The following YOD1 variants were observed in gnomAD, a reference collection of about 807,000 sequenced individuals.
YOD1 encodes the protein YOD1 deubiquitinase.
A neutral mutation model predicts 23.7 loss-of-function variants in YOD1; 17 were observed. The ratio of observed to expected loss-of-function variants is 0.72; its 90% CI spans 0.49 to 1.07. YOD1 has a LOEUF of 1.07. YOD1 is among the 50% of genes least tolerant of loss of function. YOD1 has a pLI of 0.00. For synonymous variants in YOD1, 191 were observed against 169.6 expected, an observed-to-expected ratio of 1.13 and a Z score of -0.98; for missense variants, 413 against 447.2, an observed-to-expected ratio of 0.92 and a Z score of 0.69.
chr1:207,048,789 C>T lies in YOD1; in HGVS notation c.*231G>A. On this transcript the variant is annotated 3_prime_UTR_variant, in exon 2 of 2. Transcript: ENST00000315927. ...GTGGCAAGGATCACCTATTCTGTCA[C>T]TCCAGCAGAAAGAGGCATGTATGTA... is the stretch of plus-strand genomic sequence containing the variant. 1 of 491,368 alleles carries T rather than the reference C, an allele frequency of 2.0e-6. No individual in the cohort carries two copies. Among genetic ancestry groups the T allele is most frequent in the South Asian group, 2.6e-5 (1 of 37,748 alleles). 30.4% of individuals were successfully genotyped at this position (491,368 alleles called of 1,614,324 possible). A position where few individuals can be genotyped will look rare whatever the true frequency, so the allele number is the denominator to read the frequency against.
chr1:207,044,564 G>C lies in YOD1; in HGVS notation c.*4456C>G, dbSNP rs1185775784. 1 of 152,286 alleles carries C rather than the reference G, an allele frequency of 6.6e-6. No individual in the cohort carries two copies. The highest frequency in any genetic ancestry group is 2.4e-5 in the African/African-American group (1 of 41,374). 9.4% of individuals were successfully genotyped at this position (152,286 alleles called of 1,614,324 possible). On this transcript the variant is annotated 3_prime_UTR_variant, in exon 2 of 2. Coordinates refer to ENST00000315927, the MANE Select transcript of YOD1 (RefSeq NM_018566.4). ...CACCATTCCTAAACTCCTATATGTT[G>C]GTTAGTACTTTTAAAAACATATGTA...
At position 207,044,246 on chromosome 1, in the gene YOD1, AC is replaced by A. The variant is rs1039370016; in HGVS notation, c.*4773del. ...ACTATAGGAATATTGTTGTTCTCTA[AC>A]CCTTTTCACAAACTATTCATATTCA... On this transcript the variant is annotated 3_prime_UTR_variant, in exon 2 of 2. Coordinates refer to ENST00000315927, the MANE Select transcript of YOD1 (RefSeq NM_018566.4). 34 of 152,586 alleles carry A rather than the reference AC, an allele frequency of 2.2e-4. No individual in the cohort carries two copies. Among genetic ancestry groups the A allele is most frequent in the Middle Eastern group, 3.4e-3 (1 of 294 alleles). 9.5% of individuals were successfully genotyped at this position (152,586 alleles called of 1,614,324 possible). A position where few individuals can be genotyped will look rare whatever the true frequency, so the allele number is the denominator to read the frequency against.
chr1:207,050,715 T>A lies in YOD1; in HGVS notation c.316A>T (p.Ile106Phe). The A allele has an allele frequency of 6.2e-7, 1 of 1,613,196 alleles. No individual in the cohort carries two copies. ...GATTGGATGGGCAAGTCTTCCAGAATGGTATCCCCATTGCTGAGATCCAGG... is the reference window on the plus strand; with the variant it reads ...GATTGGATGGGCAAGTCTTCCAGAAAGGTATCCCCATTGCTGAGATCCAGG... ...ECLDLSNGDT[I>F]LEDLPIQSGD... The change falls in exon 1 of 2, where the codon ATT (isoleucine) becomes TTT (phenylalanine). Residue 106 changes from isoleucine to phenylalanine, a missense_variant. Coordinates refer to ENST00000315927, the MANE Select transcript of YOD1 (RefSeq NM_018566.4).
chr1:207,050,410 A>C lies in YOD1; in HGVS notation c.343+278T>G, dbSNP rs530057215. Among the ~76,000 whole-genome samples the C allele has an allele frequency of 2.0e-4, 31 of 152,302 alleles. No homozygotes were observed. The South Asian group carries it at 5.4e-3, about 26-fold the overall frequency. ...TATATTTTTGTGGACGCCGAGGGAA[A>C]ACAAAATGGGATAGTTTCAAAGCCG... On this transcript the variant is annotated intron_variant, in intron 1 of 1. Coordinates refer to ENST00000315927, the MANE Select transcript of YOD1 (RefSeq NM_018566.4).
In YOD1 at chr1:207,044,369, A is replaced by G. The variant is rs1352135368; in HGVS notation, c.*4651T>C. 1 of 152,580 alleles carries G rather than the reference A, an allele frequency of 6.6e-6. No homozygotes were observed. The highest frequency in any genetic ancestry group is 6.5e-5 in the Admixed American group (1 of 15,282). The allele number at this position is 152,580 out of a possible 1,614,324, so 9.5% of individuals were successfully genotyped here. ...AACAGCTGGAGTCCTGAATGGCACC[A>G]ATGTGACTGGAAAACTGACAAAAAT... On this transcript the variant is annotated 3_prime_UTR_variant, in exon 2 of 2. Coordinates refer to ENST00000315927, the MANE Select transcript of YOD1 (RefSeq NM_018566.4).
rs192200430 is a variant in YOD1, at chr1:207,046,735, A to G, written c.*2285T>C. 20 of 152,136 alleles carry G rather than the reference A, an allele frequency of 1.3e-4. 1 individual carries two copies. The highest frequency in any genetic ancestry group is 2.2e-4 in the Non-Finnish European group (15 of 67,934). The allele number at this position is 152,136 out of a possible 1,614,324, so 9.4% of individuals were successfully genotyped here. On this transcript the variant is annotated 3_prime_UTR_variant, in exon 2 of 2. Coordinates refer to ENST00000315927, the MANE Select transcript of YOD1 (RefSeq NM_018566.4). Reference sequence around the variant, plus strand: ...ATGAAGGGGTTTAATTCTGTAAAATATCAGTGTTCTATTCCTTTCCATTTG... The same window carrying G: ...ATGAAGGGGTTTAATTCTGTAAAATGTCAGTGTTCTATTCCTTTCCATTTG...
chr1:207,051,126 T>C lies in YOD1; in HGVS notation c.-96A>G, dbSNP rs1465824591. The C allele has an allele frequency of 2.1e-6, 3 of 1,422,384 alleles. No individual in the cohort carries two copies. Among genetic ancestry groups the C allele is most frequent in the Non-Finnish European group, 2.7e-6 (3 of 1,093,554 alleles). 88.1% of individuals were successfully genotyped at this position (1,422,384 alleles called of 1,614,324 possible). On this transcript the variant is annotated 5_prime_UTR_variant, in exon 1 of 2. Transcript: ENST00000315927. ...GCGCGAACTCTTTTAAAGTGACAAC[T>C]GATTTTTCCCCCACCCTCAGAACGA...
chr1:207,052,283 C>A (rs745552425), upstream of YOD1: 1 of 1,537,772 alleles, frequency 6.5e-7, no homozygotes, highest in Admixed American at 1.7e-5. Flanking sequence ...GTGCAATTTT[C>A]CTCCTTGGTT....
chr1:207,051,072 G>A lies in YOD1; in HGVS notation c.-42C>T. The A allele has an allele frequency of 3.4e-6, 5 of 1,464,888 alleles. No homozygotes were observed. Among genetic ancestry groups the A allele is most frequent in the Non-Finnish European group, 4.5e-6 (5 of 1,111,770 alleles). The allele number at this position is 1,464,888 out of a possible 1,614,324, so 90.7% of individuals were successfully genotyped here. On this transcript the variant is annotated 5_prime_UTR_variant, in exon 1 of 2. Transcript: ENST00000315927. ...TGGTTGCAGTTATCGCGACGCTTCG[G>A]TGCGGCTTCTGCCTTAGTACCTTAG...
rs765840248 is a variant in YOD1, at chr1:207,050,779, G to A, written c.252C>T (p.Pro84=). ...GQIAAITGIA[P]GGQRILVGYP... ...ATCCGACGAGGATTCGCTGACCGCC[G>A]GGGGCGATCCCGGTGATGGCGGCAA... The change falls in exon 1 of 2, where the codon CCC becomes CCT. Residue 84 remains proline, a synonymous_variant. Coordinates refer to ENST00000315927, the MANE Select transcript of YOD1 (RefSeq NM_018566.4). The A allele has an allele frequency of 6.2e-6, 10 of 1,613,346 alleles. No homozygotes were observed. The Middle Eastern group carries it at 4.9e-4, about 80-fold the overall frequency.
At position 207,047,798 on chromosome 1, in the gene YOD1, G is replaced by A. The variant is rs546986083; in HGVS notation, c.*1222C>T. ...ATTTACAATTTTTTCTATTTTGGAA[G>A]TGAAACTAGTTCATTCAACAGTATT... On this transcript the variant is annotated 3_prime_UTR_variant, in exon 2 of 2. Transcript: ENST00000315927. 3.3e-5 allele frequency: 5 copies of A among 152,556 alleles called. 1 individual carries two copies. The highest frequency in any genetic ancestry group is 6.5e-5 in the Admixed American group (1 of 15,300). The allele number at this position is 152,556 out of a possible 1,614,324, so 9.5% of individuals were successfully genotyped here. A position where few individuals can be genotyped will look rare whatever the true frequency, so the allele number is the denominator to read the frequency against.
At chr1:207,052,071 T>C, upstream of YOD1, 1 of 837,448 alleles carries the variant, frequency 1.2e-6, no homozygotes, top group South Asian at 1.5e-5. Flanking sequence ...CATTGTTCTT[T>C]ATCCAGCCGG....
Position 207,048,264 on chromosome 1 carries a change from C to G in YOD1, c.*756G>C, listed in dbSNP as rs1185874999. ...TCAGGCACCTATTCCCTCATACATT[C>G]TACGTTTTATATGCTAGAGATCTTA... is the stretch of plus-strand genomic sequence containing the variant. On this transcript the variant is annotated 3_prime_UTR_variant, in exon 2 of 2. Coordinates refer to ENST00000315927, the MANE Select transcript of YOD1 (RefSeq NM_018566.4). The G allele has an allele frequency of 6.6e-6, 1 of 152,634 alleles. No homozygotes were observed. The highest frequency in any genetic ancestry group is 1.5e-5 in the Non-Finnish European group (1 of 68,058). 9.5% of individuals were successfully genotyped at this position (152,634 alleles called of 1,614,324 possible). A position where few individuals can be genotyped will look rare whatever the true frequency, so the allele number is the denominator to read the frequency against.
Position 207,051,092 on chromosome 1 carries a change from C to G in YOD1, c.-62G>C, listed in dbSNP as rs1457798779. On this transcript the variant is annotated 5_prime_UTR_variant, in exon 1 of 2. Coordinates refer to ENST00000315927, the MANE Select transcript of YOD1 (RefSeq NM_018566.4). ...CTTCGGTGCGGCTTCTGCCTTAGTA[C>G]CTTAGCAAGCGCGAACTCTTTTAAA... The G allele has an allele frequency of 6.3e-6, 9 of 1,439,354 alleles. No homozygotes were observed. The Admixed American group carries it at 1.4e-4, about 23-fold the overall frequency. 89.2% of individuals were successfully genotyped at this position (1,439,354 alleles called of 1,614,324 possible). A position where few individuals can be genotyped will look rare whatever the true frequency, so the allele number is the denominator to read the frequency against.
rs1463541983 is a variant in YOD1 at position 207,048,319 on chromosome 1, A to G, written c.*701T>C. ...GGGCACAATCAGTTCCTGTTTTGTGATAACATTCTCAAGGATGAGACTCAT... is the reference window on the plus strand; with the variant it reads ...GGGCACAATCAGTTCCTGTTTTGTGGTAACATTCTCAAGGATGAGACTCAT... On this transcript the variant is annotated 3_prime_UTR_variant, in exon 2 of 2. Coordinates refer to ENST00000315927, the MANE Select transcript of YOD1 (RefSeq NM_018566.4). 6.5e-6 allele frequency: 1 copy of G among 152,674 alleles called. No homozygotes were observed. Among genetic ancestry groups the G allele is most frequent in the East Asian group, 1.9e-4 (1 of 5,196 alleles). The allele number at this position is 152,674 out of a possible 1,614,324, so 9.5% of individuals were successfully genotyped here.
chr1:207,052,032 A>G (rs1682765042), upstream of YOD1, among the ~76,000 whole-genome samples: 2 of 152,236 alleles, frequency 1.3e-5, no homozygotes, highest in African/African-American at 4.8e-5. Flanking sequence ...CCCTGAATTT[A>G]TATCTCTCTT....
At position 207,049,317 on chromosome 1, in the gene YOD1, C is replaced by T. The variant is rs892525615; in HGVS notation, c.750G>A (p.Gly250=). The part of the protein sequence containing the change: ...DTQTVRIDRF[G]EDAGYTKRVL... ...CCCTTTTGGTATATCCTGCATCTTCCCCAAAACGATCAATTCTTACTGTCT... is the reference window on the plus strand; with the variant it reads ...CCCTTTTGGTATATCCTGCATCTTCTCCAAAACGATCAATTCTTACTGTCT... The change falls in exon 2 of 2, where the codon GGG becomes GGA. Residue 250 remains glycine, a synonymous_variant. Coordinates refer to ENST00000315927, the MANE Select transcript of YOD1 (RefSeq NM_018566.4). 1 of 1,614,044 alleles carries T rather than the reference C, an allele frequency of 6.2e-7. No individual in the cohort carries two copies. Among genetic ancestry groups the T allele is most frequent in the Admixed American group, 1.7e-5 (1 of 60,016 alleles).
chr1:207,053,072 G>C (rs1041574072), upstream of YOD1: 2 of 152,210 alleles, frequency 1.3e-5, no homozygotes, highest in African/African-American at 2.4e-5. Context: ...CAGGCTCCTC[G>C]GCGCTGGGAA....
chr1:207,049,036 T>C lies in YOD1; in HGVS notation c.1031A>G (p.Asn344Ser), dbSNP rs143996234. 1.7e-5 allele frequency: 28 copies of C among 1,613,518 alleles called. No homozygotes were observed. Among genetic ancestry groups the C allele is most frequent in the African/African-American group, 1.1e-4 (8 of 74,884 alleles). The change falls in exon 2 of 2, where the codon AAC becomes AGC. Residue 344 changes from asparagine (N) to serine (S), a missense_variant. Transcript: ENST00000315927. The stretch of plus-strand genomic sequence containing the variant: ...ATGCATAGGTCACACTTCTCCAAAG[T>C]TGGTATGGCCTGTCTCCTTGGCATG... ...REHAKETGHT[N>S]FGEV
Sources: gnomAD v4.1 joint callset for allele counts (sites outside exome capture counted in the v4.1 genomes callset) on GRCh38, gnomAD v4.1.1 for gene constraint, MANE v1.5 for transcripts, NCBI Gene and HGNC (gene_info 2026-07-23, HGNC 2026-07-21) for gene names.